LIMD1: variants seen among roughly 807,000 people sequenced by gnomAD.
LIMD1 encodes LIM domain containing 1.
A neutral mutation model predicts 58.4 loss-of-function variants in LIMD1; 23 were observed. That is an observed-to-expected ratio of 0.39 (90% confidence interval 0.28 to 0.56). The LOEUF is 0.56. Ranked by LOEUF, LIMD1 falls within the 20% of genes least tolerant of loss-of-function variation. LIMD1 has a pLI of 0.57. For synonymous variants in LIMD1, 334 were observed against 345.5 expected (o/e 0.97, Z 0.37); for missense variants, 838 against 855.5 (o/e 0.98, Z 0.25).
chr3:45,637,323 C>G (rs180974816), intron 2 of LIMD1, among the ~76,000 whole-genome samples: 1 of 151,962 alleles, frequency 6.6e-6, no homozygotes, highest in East Asian at 1.9e-4. Context: ...CTTTGTCACC[C>G]AGGCTGGAGT....
chr3:45,651,780 G>A (rs933845809), intron 2 of LIMD1, among the ~76,000 whole-genome samples: 2 of 151,428 alleles, frequency 1.3e-5, no homozygotes, highest in African/African-American at 4.9e-5. Flanking sequence ...TTACAGGCAT[G>A]CACCACATGC....
intron 2 of LIMD1, among the ~76,000 whole-genome samples, chr3:45,652,626 A>G (rs567772985): frequency 1.3e-5 from 2 of 152,374 alleles, no homozygotes; most frequent in East Asian, 3.8e-4. Flanking sequence ...ATGAATTCAA[A>G]GCAGAGCTCA....
chr3:45,628,412 C>T (rs781377924), intron 1 of LIMD1, among the ~76,000 whole-genome samples: 4 of 152,206 alleles, frequency 2.6e-5, no homozygotes, highest in Non-Finnish European at 4.4e-5. Flanking sequence ...TCACACACAA[C>T]ATCAGTTACT....
intron 5 of LIMD1, 110 bp from the exon 6 acceptor site, chr3:45,673,344 G>C: frequency 1.2e-6 from 1 of 817,976 alleles, no homozygotes; most frequent in Middle Eastern, 3.2e-4. Context: ...AGGAGAGCAA[G>C]GGGCAGGAGG....
intron 2 of LIMD1, among the ~76,000 whole-genome samples, chr3:45,658,765 G>C (rs1697386537): frequency 6.6e-6 from 1 of 151,570 alleles, no homozygotes; most frequent in Non-Finnish European, 1.5e-5. Flanking sequence ...ATGTTGGTCA[G>C]ACTGGTCTTG....
rs17262464 is a variant in LIMD1 at position 45,681,942 on chromosome 3, T to C, written c.*4883T>C. On this transcript the variant is annotated 3_prime_UTR_variant, in exon 8 of 8. Transcript: ENST00000273317. The stretch of plus-strand genomic sequence containing the variant: ...CTCTTCTGAGGTTATGACCAAAGAA[T>C]CCTCAAGGCGAGTGATCCTTCAGGT... 17,751 of 152,198 alleles carry C rather than the reference T, an allele frequency of 0.12. 1,413 individuals carry two copies. The highest frequency in any genetic ancestry group is 0.21 in the Middle Eastern group (63 of 294). The allele number at this position is 152,198 out of a possible 1,614,324, so 9.4% of individuals were successfully genotyped here.
chr3:45,676,901 G>C (rs1281135058), intron 7 of LIMD1, 21 bp from the exon 8 acceptor site: 1 of 1,613,548 alleles, frequency 6.2e-7, no homozygotes, highest in African/African-American at 1.3e-5. Flanking sequence ...GCTTCCCCTG[G>C]ACATGTCTGC....
At chr3:45,660,057 C>A (rs1301625665) in intron 2 of LIMD1, among the ~76,000 whole-genome samples, 2 of 152,156 alleles carry the variant, frequency 1.3e-5, no homozygotes, top group Non-Finnish European at 2.9e-5. Context: ...TGATCTTCGC[C>A]CTATTACACA....
rs1002458584 is a variant in LIMD1, at chr3:45,678,349, T to G, written c.*1290T>G. ...TTCACACAGGCCCAACTCCAGCTGG[T>G]CAGGGCAGAGTGATCGTAACTAAAG... is the stretch of plus-strand genomic sequence containing the variant. On this transcript the variant is annotated 3_prime_UTR_variant, in exon 8 of 8. Coordinates refer to ENST00000273317, the MANE Select transcript of LIMD1 (RefSeq NM_014240.3). The G allele has an allele frequency of 6.6e-6, 1 of 151,816 alleles. No individual in the cohort carries two copies. The allele number at this position is 151,816 out of a possible 1,614,324, so 9.4% of individuals were successfully genotyped here. A position where few individuals can be genotyped will look rare whatever the true frequency, so the allele number is the denominator to read the frequency against.
chr3:45,596,408 T>A, intron 1 of LIMD1, 121 bp downstream of exon 1: 1 of 791,064 alleles, frequency 1.3e-6, no homozygotes, highest in Admixed American at 2.9e-5. Context: ...GGCCTGTTTT[T>A]TTATTTTTTT....
At chr3:45,652,217 A>G (rs1024626861) in intron 2 of LIMD1, among the ~76,000 whole-genome samples, 2 of 152,218 alleles carry the variant, frequency 1.3e-5, no homozygotes, top group African/African-American at 4.8e-5. Flanking sequence ...GAGAGCCACC[A>G]TGCCCGGCCA....
chr3:45,643,321 C>T (rs919257266), intron 2 of LIMD1, among the ~76,000 whole-genome samples: 3 of 152,164 alleles, frequency 2.0e-5, no homozygotes, highest in South Asian at 2.1e-4. Flanking sequence ...CCCATCTCTA[C>T]TAAAAATACA....
intron 1 of LIMD1, among the ~76,000 whole-genome samples, chr3:45,620,744 AG>A (rs1375402370): frequency 6.6e-6 from 1 of 152,240 alleles, no homozygotes; most frequent in Admixed American, 6.5e-5. Flanking sequence ...ACAAACAAAA[AG>A]AATCATCAAT....
chr3:45,624,869 T>C (rs574460419), intron 1 of LIMD1, among the ~76,000 whole-genome samples: 1 of 150,326 alleles, frequency 6.7e-6, no homozygotes, highest in African/African-American at 2.4e-5. Flanking sequence ...CTAAGGGTGC[T>C]CTGCTATCTT....
At chr3:45,672,199 G>T (rs966998691) in intron 4 of LIMD1, among the ~76,000 whole-genome samples, 5 of 152,224 alleles carry the variant, frequency 3.3e-5, no homozygotes, top group Non-Finnish European at 7.3e-5. Flanking sequence ...CAGAAGTGAA[G>T]GGGTTCCTTT....
chr3:45,600,388 T>G (rs939427876), intron 1 of LIMD1, among the ~76,000 whole-genome samples: 1 of 152,208 alleles, frequency 6.6e-6, no homozygotes, highest in Non-Finnish European at 1.5e-5. Context: ...ATGCCCAGTT[T>G]CCAGTTACTG....
At chr3:45,672,638 C>A in intron 4 of LIMD1, 52 bp from the exon 5 acceptor site, 1 of 1,600,684 alleles carries the variant, frequency 6.2e-7, no homozygotes, top group Non-Finnish European at 8.5e-7. Context: ...TCTCCCCTTC[C>A]ACCATCTCAT....
chr3:45,631,526 T>G (rs3774672), intron 1 of LIMD1, among the ~76,000 whole-genome samples: 48,205 of 151,956 alleles, frequency 0.32, 8,215 homozygotes, highest in South Asian at 0.51. Context: ...GCTTCCTTGT[T>G]TTGTATCTGT....
At position 45,594,751 on chromosome 3, in the gene LIMD1, C is replaced by G. The variant is rs144553158; in HGVS notation, c.-129C>G. ...ACTGGGCCGGACTTGAGCCCCGACC[C>G]TTCGCCAGCATCTCCCCGCTGCCCT... On this transcript the variant is annotated 5_prime_UTR_variant, in exon 1 of 8. Transcript: ENST00000273317. 697 of 787,692 alleles carry G rather than the reference C, an allele frequency of 8.8e-4. 8 individuals carry two copies. The African/African-American group carries it at 0.013, about 14-fold the overall frequency. The allele number at this position is 787,692 out of a possible 1,614,324, so 48.8% of individuals were successfully genotyped here.
Sources: gnomAD v4.1 joint callset for allele counts (sites outside exome capture counted in the v4.1 genomes callset) on GRCh38, gnomAD v4.1.1 for gene constraint, MANE v1.5 for transcripts, NCBI Gene and HGNC (gene_info 2026-07-23, HGNC 2026-07-21) for gene names.